The following CCDC69 variants were observed in gnomAD, a reference collection of about 807,000 sequenced individuals.
CCDC69 encodes coiled-coil domain-containing protein 69.
In CCDC69, 38 loss-of-function variants were observed where a neutral mutation model predicts 40.3. The observed-to-expected ratio is 0.94, with a 90% CI of 0.73 to 1.24. CCDC69 has a LOEUF of 1.24. CCDC69 is among the 50% of genes most tolerant of loss of function. The pLI is 0.00. For missense variants in CCDC69, 389 were observed against 357.9 expected (o/e 1.09, Z -0.70); for synonymous variants, 141 against 138.9 (o/e 1.02, Z -0.11).
At chr5:151,183,924 G>A (rs1304377731) in intron 8 of CCDC69, among the ~76,000 whole-genome samples, 1 of 152,168 alleles carries the variant, frequency 6.6e-6, no homozygotes, top group South Asian at 2.1e-4. Context: ...AAGAAGAATA[G>A]GACCCAGCTC....
At chr5:151,219,660 T>C (rs1753108263) in intron 1 of CCDC69, among the ~76,000 whole-genome samples, 1 of 152,122 alleles carries the variant, frequency 6.6e-6, no homozygotes, top group Non-Finnish European at 1.5e-5. Flanking sequence ...ATCTATAATA[T>C]ACATAGGAAA....
rs450821 is a variant in CCDC69 at position 151,181,737 on chromosome 5, T to C, written c.*1700A>G. 46,474 of 152,184 alleles carry C rather than the reference T, an allele frequency of 0.31. 8,218 individuals are homozygous for C. The highest frequency in any genetic ancestry group is 0.4 in the Admixed American group (6,099 of 15,294). 9.4% of individuals were successfully genotyped at this position (152,184 alleles called of 1,614,324 possible). On this transcript the variant is annotated 3_prime_UTR_variant, in exon 9 of 9. Transcript: ENST00000355417. ...CCCCAAATAACTTGGCCACCAATCA[T>C]GTCTACTCCTGGACATTAGTTCAAT...
chr5:151,194,060 G>T (rs894455625), intron 4 of CCDC69, among the ~76,000 whole-genome samples: 1 of 152,230 alleles, frequency 6.6e-6, no homozygotes, highest in Non-Finnish European at 1.5e-5. Context: ...ACCAGTGACA[G>T]CAAGTATTGG....
chr5:151,200,594 G>C (rs559340708), intron 3 of CCDC69, among the ~76,000 whole-genome samples: 2 of 152,192 alleles, frequency 1.3e-5, no homozygotes, highest in African/African-American at 4.8e-5. Flanking sequence ...GGAAGAAATG[G>C]AGGCAAAGAG....
At chr5:151,193,584 G>A (rs1440171731) in intron 4 of CCDC69, among the ~76,000 whole-genome samples, 1 of 151,842 alleles carries the variant, frequency 6.6e-6, no homozygotes, top group Non-Finnish European at 1.5e-5. Context: ...AAAGAAGAAA[G>A]AGAGAGAGAA....
In CCDC69 at chr5:151,201,702, A is replaced by C. The variant is rs1253517504; in HGVS notation, c.125-14T>G. The C allele has an allele frequency of 6.4e-7, 1 of 1,562,640 alleles. No individual in the cohort carries two copies. Among genetic ancestry groups the C allele is most frequent in the East Asian group, 2.3e-5 (1 of 44,150 alleles). ...GGACAGTTATAGCTAGAGATGAAAA[A>C]GCAAAAAAATAAAAATAAAAAAACT... On this transcript the variant is annotated splice_polypyrimidine_tract_variant and intron_variant, in intron 2 of 8. Coordinates refer to ENST00000355417, the MANE Select transcript of CCDC69 (RefSeq NM_015621.3).
At chr5:151,185,114 T>C in intron 7 of CCDC69, 1 of 227,090 alleles carries the variant, frequency 4.4e-6, no homozygotes. Context: ...AATCTCTGCT[T>C]AGATTCAACC....
intron 1 of CCDC69, among the ~76,000 whole-genome samples, chr5:151,223,367 A>T (rs1753162744): frequency 6.6e-6 from 1 of 152,240 alleles, no homozygotes; most frequent in African/African-American, 2.4e-5. Flanking sequence ...CAAGAGCCCT[A>T]AGACCAGCGC....
chr5:151,199,654 T>TA (rs1330043989), intron 3 of CCDC69, among the ~76,000 whole-genome samples: 1 of 152,114 alleles, frequency 6.6e-6, no homozygotes, highest in Non-Finnish European at 1.5e-5. Context: ...AGGCATGACT[T>TA]AAATTAGGCA....
intron 4 of CCDC69, among the ~76,000 whole-genome samples, chr5:151,198,603 T>C (rs1245475320): frequency 6.6e-6 from 1 of 152,208 alleles, no homozygotes; most frequent in Non-Finnish European, 1.5e-5. Context: ...TTTGGTGATA[T>C]AAGAGGAAAG....
chr5:151,203,605 AATAT>A (rs1254980705), intron 2 of CCDC69, among the ~76,000 whole-genome samples: 1 of 140,818 alleles, frequency 7.1e-6, no homozygotes, highest in Non-Finnish European at 1.5e-5. Flanking sequence ...TATATTAGTA[AATAT>A]ATATATTTAG....
intron 5 of CCDC69, among the ~76,000 whole-genome samples, chr5:151,186,422 G>A (rs1582038497): frequency 1.3e-5 from 2 of 148,708 alleles, no homozygotes; most frequent in African/African-American, 5.0e-5. Context: ...GGGAAGGGAG[G>A]GGGACAGAGA....
chr5:151,215,625 C>T, intron 1 of CCDC69: 1 of 424,580 alleles, frequency 2.4e-6, no homozygotes, highest in Non-Finnish European at 4.9e-6. Flanking sequence ...GAGCCCTCCA[C>T]ACCATCCCCT....
At chr5:151,211,457 T>A (rs896178774) in intron 1 of CCDC69, among the ~76,000 whole-genome samples, 11 of 151,794 alleles carry the variant, frequency 7.2e-5, no homozygotes, top group Admixed American at 2.6e-4. Context: ...AAAGCTTGCT[T>A]AACACGAATG....
At chr5:151,197,394 T>C (rs1752714469) in intron 4 of CCDC69, among the ~76,000 whole-genome samples, 1 of 152,080 alleles carries the variant, frequency 6.6e-6, no homozygotes, top group Non-Finnish European at 1.5e-5. Flanking sequence ...CTGGGCATGG[T>C]GGCACGCGCC....
intron 5 of CCDC69, among the ~76,000 whole-genome samples, chr5:151,186,367 CG>C (rs1344629672): frequency 5.6e-5 from 4 of 70,938 alleles, no homozygotes; most frequent in Non-Finnish European, 1.0e-4. Context: ...GAAAAGAAGA[CG>C]GGAGGGGAGG....
At chr5:151,219,905 AG>A (rs1241169902) in intron 1 of CCDC69, among the ~76,000 whole-genome samples, 1 of 152,028 alleles carries the variant, frequency 6.6e-6, no homozygotes, top group Non-Finnish European at 1.5e-5. Flanking sequence ...CTCCAGTGAT[AG>A]GAACTCACTA....
Position 151,183,039 on chromosome 5 carries a change from G to T in CCDC69, c.*398C>A, listed in dbSNP as rs1268531986. 2 of 464,672 alleles carry T rather than the reference G, an allele frequency of 4.3e-6. No individual in the cohort carries two copies. The highest frequency in any genetic ancestry group is 2.0e-5 in the African/African-American group (1 of 50,476). The allele number at this position is 464,672 out of a possible 1,614,324, so 28.8% of individuals were successfully genotyped here. A position where few individuals can be genotyped will look rare whatever the true frequency, so the allele number is the denominator to read the frequency against. On this transcript the variant is annotated 3_prime_UTR_variant, in exon 9 of 9. Transcript: ENST00000355417. ...CAGGGTGGAGTGGAAACACCTAGAG[G>T]AAGTTGATAAGTCAGCAAGTCGGCA...
At chr5:151,188,251 C>T (rs747268044) in intron 4 of CCDC69, among the ~76,000 whole-genome samples, 1 of 152,036 alleles carries the variant, frequency 6.6e-6, no homozygotes. Flanking sequence ...GGAAATAGAA[C>T]AGAGGAGACA....
Sources: gnomAD v4.1 joint callset for allele counts (sites outside exome capture counted in the v4.1 genomes callset) on GRCh38, gnomAD v4.1.1 for gene constraint, MANE v1.5 for transcripts, NCBI Gene and HGNC (gene_info 2026-07-23, HGNC 2026-07-21) for gene names.